The following PDLIM5 variants were observed in gnomAD, a reference collection of about 807,000 sequenced individuals.
PDLIM5 encodes PDZ and LIM domain 5, also known as PDZ and LIM domain protein 5.
A neutral mutation model predicts 64.2 loss-of-function variants in PDLIM5; 34 were observed. The ratio of observed to expected loss-of-function variants is 0.53; its 90% CI spans 0.40 to 0.71. The LOEUF is 0.71. PDLIM5 is among the 30% of genes least tolerant of loss of function. PDLIM5 has a pLI of 0.00. For missense variants in PDLIM5, 683 were observed against 733.6 expected, an observed-to-expected ratio of 0.93 and a Z score of 0.80; for synonymous variants, 253 against 269.1, an observed-to-expected ratio of 0.94 and a Z score of 0.59.
chr4:94,586,515 T>A, intron 7 of PDLIM5, 71 bp downstream of exon 7: 1 of 926,030 alleles, frequency 1.1e-6, no homozygotes, highest in Non-Finnish European at 1.7e-6. Context: ...TTTTTCAAAT[T>A]GTCAAGTATA....
chr4:94,633,903 G>A (rs946171685), intron 8 of PDLIM5, among the ~76,000 whole-genome samples: 6 of 152,140 alleles, frequency 3.9e-5, no homozygotes, highest in Admixed American at 1.3e-4. Flanking sequence ...AAGGAAGTGA[G>A]GGAGCAAGCC....
intron 7 of PDLIM5, among the ~76,000 whole-genome samples, chr4:94,593,248 A>G (rs552553403): frequency 2.5e-4 from 38 of 152,324 alleles, no homozygotes; most frequent in African/African-American, 9.1e-4. Flanking sequence ...TGAAATGACT[A>G]ATCTTGAAGG....
chr4:94,601,142 CAACA>C lies in PDLIM5; in HGVS notation c.920+14703_920+14706del, dbSNP rs556535553. ...AATATCATGGACTGGGTGGCTTAAA[CAACA>C]AACAGTTATTTCTCATAGTTCTGGA... On this transcript the variant is annotated intron_variant, in intron 7 of 12. Transcript: ENST00000317968. Among the ~76,000 whole-genome samples the C allele has an allele frequency of 2.2e-3, 329 of 152,262 alleles. 1 individual carries two copies. Among genetic ancestry groups the C allele is most frequent in the African/African-American group, 7.1e-3 (297 of 41,558 alleles).
At chr4:94,622,632 C>G (rs1465407796) in intron 8 of PDLIM5, among the ~76,000 whole-genome samples, 1 of 150,170 alleles carries the variant, frequency 6.7e-6, no homozygotes, top group African/African-American at 2.5e-5. Context: ...CTCTCTCCCT[C>G]CCTCCTTCCC....
At position 94,659,989 on chromosome 4, in the gene PDLIM5, C is replaced by T. The variant is rs1360536915; in HGVS notation, c.1586-2433C>T. Among the ~76,000 whole-genome samples, 6 of 151,850 alleles carry T rather than the reference C, an allele frequency of 4.0e-5. No homozygotes were observed. The East Asian group carries it at 5.8e-4, about 15-fold the overall frequency. On this transcript the variant is annotated intron_variant, in intron 11 of 12. Coordinates refer to ENST00000317968, the MANE Select transcript of PDLIM5 (RefSeq NM_006457.5). Reference sequence around the variant, plus strand: ...TCGGCTCACCGTAACCTCCACCTCCCGGGTTCAGGCGATTCTTCTGCCTCA... The same window carrying T: ...TCGGCTCACCGTAACCTCCACCTCCTGGGTTCAGGCGATTCTTCTGCCTCA...
chr4:94,568,813 A>G lies in PDLIM5; in HGVS notation c.249-4538A>G, dbSNP rs1369163874. Among the ~76,000 whole-genome samples the G allele has an allele frequency of 2.6e-5, 4 of 152,240 alleles. No individual in the cohort carries two copies. In the East Asian group the frequency reaches 5.8e-4, roughly 22 times the overall value. On this transcript the variant is annotated intron_variant, in intron 3 of 12. Transcript: ENST00000317968. ...ATATAAAACACTTATTCTTAAAAAT[A>G]TGTCATATACTAATATTTTAAAATA...
In PDLIM5 at chr4:94,455,228, A is replaced by G. The variant is rs564019232; in HGVS notation, c.-42-19A>G. On this transcript the variant is annotated intron_variant, in intron 1 of 12. Transcript: ENST00000317968. ...TTTCAAGTAAACATTTTTGCTAATC[A>G]TCTGATTTTCTTTCACAGCATATTT... The G allele has an allele frequency of 4.1e-4, 408 of 984,680 alleles. No individual in the cohort carries two copies. Among genetic ancestry groups the G allele is most frequent in the Non-Finnish European group, 5.8e-4 (362 of 623,686 alleles). The allele number at this position is 984,680 out of a possible 1,614,324, so 61.0% of individuals were successfully genotyped here.
intron 7 of PDLIM5, among the ~76,000 whole-genome samples, chr4:94,603,605 G>T (rs1737670374): frequency 6.7e-6 from 1 of 150,156 alleles, no homozygotes; most frequent in Non-Finnish European, 1.5e-5. Flanking sequence ...GCAGCAGTAT[G>T]GCTCCAAGAG....
At chr4:94,580,554 T>TA (rs1485595198) in intron 5 of PDLIM5, among the ~76,000 whole-genome samples, 2 of 152,090 alleles carry the variant, frequency 1.3e-5, no homozygotes, top group African/African-American at 4.8e-5. Flanking sequence ...GTTAGACTTG[T>TA]AAAGGGGGAG....
At chr4:94,595,169 C>T (rs1168599666) in intron 7 of PDLIM5, among the ~76,000 whole-genome samples, 4 of 152,168 alleles carry the variant, frequency 2.6e-5, no homozygotes, top group Admixed American at 6.5e-5. Flanking sequence ...CCCAATGATC[C>T]AGGTACCTCC....
At position 94,563,946 on chromosome 4, in the gene PDLIM5, T is replaced by C. The variant is rs1273249146; in HGVS notation, c.249-9405T>C. Among the ~76,000 whole-genome samples the C allele has an allele frequency of 3.2e-3, 459 of 144,420 alleles. 4 individuals are homozygous for C. The highest frequency in any genetic ancestry group is 4.7e-3 in the Non-Finnish European group (312 of 66,860). The allele number at this position is 144,420 out of a possible 152,430, so 94.7% of individuals were successfully genotyped here. On this transcript the variant is annotated intron_variant, in intron 3 of 12. Coordinates refer to ENST00000317968, the MANE Select transcript of PDLIM5 (RefSeq NM_006457.5). ...GCATTTAGCAATTTTTCTTTTTTTT[T>C]TTTCTTTCTTTCTTTTTTTTTTTTT... is the stretch of plus-strand genomic sequence containing the variant.
chr4:94,531,666 T>G (rs1049098873), intron 3 of PDLIM5, among the ~76,000 whole-genome samples: 4 of 152,176 alleles, frequency 2.6e-5, no homozygotes, highest in Non-Finnish European at 5.9e-5. Flanking sequence ...GTGATTTGCC[T>G]AACAAACTCA....
chr4:94,453,042 C>T (rs1723008455), intron 1 of PDLIM5, among the ~76,000 whole-genome samples: 1 of 151,974 alleles, frequency 6.6e-6, no homozygotes, highest in Non-Finnish European at 1.5e-5. Flanking sequence ...GTTCTCCTTT[C>T]TCCCCTCTCA....
chr4:94,572,146 A>G (rs1269322718), intron 3 of PDLIM5, among the ~76,000 whole-genome samples: 1 of 152,190 alleles, frequency 6.6e-6, no homozygotes, highest in Non-Finnish European at 1.5e-5. Context: ...AAGTAAAACA[A>G]GCTCATGGTT....
In PDLIM5 at chr4:94,499,330, CTTTCA is replaced by C. The variant is rs1278838968; in HGVS notation, c.97-24390_97-24386del. Among the ~76,000 whole-genome samples the C allele has an allele frequency of 3.3e-5, 5 of 151,974 alleles. No homozygotes were observed. The South Asian group carries it at 6.2e-4, about 19-fold the overall frequency. ...CCCCTTTCTTGGAAATAAATGGAAA[CTTTCA>C]TTTATTTATTTATTGAATAAGTCAT... is the stretch of plus-strand genomic sequence containing the variant. On this transcript the variant is annotated intron_variant, in intron 2 of 12. Transcript: ENST00000317968.
At chr4:94,617,644 CAAAAAAAAAAA>C (rs61055444) in intron 7 of PDLIM5, among the ~76,000 whole-genome samples, 3 of 66,602 alleles carry the variant, frequency 4.5e-5, no homozygotes, top group African/African-American at 1.6e-4. Context: ...CCTGTGTCTA[CAAAAAAAAAAA>C]AAAAAAAAAA....
chr4:94,589,862 C>T (rs1736544797), intron 7 of PDLIM5, among the ~76,000 whole-genome samples: 1 of 152,046 alleles, frequency 6.6e-6, no homozygotes. Flanking sequence ...GCAACCTCCA[C>T]CTCCCAGGTT....
At chr4:94,574,943 T>A (rs377171150) in intron 4 of PDLIM5, among the ~76,000 whole-genome samples, 31 of 151,910 alleles carry the variant, frequency 2.0e-4, no homozygotes, top group African/African-American at 7.0e-4. Context: ...GAGAGAGAAA[T>A]GGAGGTGGAT....
At chr4:94,520,496 C>T (rs565760954) in intron 2 of PDLIM5, among the ~76,000 whole-genome samples, 2 of 152,236 alleles carry the variant, frequency 1.3e-5, no homozygotes, top group African/African-American at 4.8e-5. Flanking sequence ...TGATGAATGA[C>T]TTTGTAGTCT....
Sources: allele counts gnomAD v4.1 joint callset (sites outside exome capture counted in the v4.1 genomes callset), GRCh38; gene constraint gnomAD v4.1.1; transcripts MANE v1.5; gene names NCBI Gene and HGNC (gene_info 2026-07-23, HGNC 2026-07-21).